KIAA1217: variants seen among roughly 807,000 people sequenced by gnomAD.
The protein encoded by KIAA1217 is sickle tail protein homolog.
In KIAA1217, 88 loss-of-function variants were observed where a neutral mutation model predicts 163.9. The observed-to-expected ratio is 0.54, with a 90% CI of 0.45 to 0.64. The LOEUF (loss-of-function observed/expected upper bound fraction) is 0.64. KIAA1217 is among the 30% of genes least tolerant of loss of function. KIAA1217 has a pLI of 0.00. For synonymous variants in KIAA1217, 903 were observed against 923.1 expected (o/e 0.98, Z 0.39); for missense variants, 2,372 against 2,475.0 (o/e 0.96, Z 0.88).
intron 2 of KIAA1217, among the ~76,000 whole-genome samples, chr10:24,302,718 A>C (rs1227248516): frequency 1.3e-5 from 2 of 152,176 alleles, no homozygotes; most frequent in Admixed American, 1.3e-4. Context: ...GGAAATCGAC[A>C]CAGGAGACCT....
At chr10:23,945,470 A>G (rs1843985086) in intron 1 of KIAA1217, among the ~76,000 whole-genome samples, 1 of 152,220 alleles carries the variant, frequency 6.6e-6, no homozygotes, top group African/African-American at 2.4e-5. Context: ...GGAAGGAGGT[A>G]GGCATTGATT....
At chr10:24,107,078 G>C (rs552107244) in intron 2 of KIAA1217, among the ~76,000 whole-genome samples, 3 of 152,228 alleles carry the variant, frequency 2.0e-5, no homozygotes, top group African/African-American at 7.2e-5. Flanking sequence ...TTGTTCCCTT[G>C]ATTTTGTCCA....
chr10:24,496,279 C>T lies in KIAA1217; in HGVS notation c.1834+1083C>T, dbSNP rs1426044248. 5.3e-5 allele frequency among the ~76,000 whole-genome samples: 8 copies of T among 152,356 alleles called. No homozygotes were observed. The East Asian group carries it at 1.5e-3, about 29-fold the overall frequency. On this transcript the variant is annotated intron_variant, in intron 8 of 20. Coordinates refer to ENST00000376454, the MANE Select transcript of KIAA1217 (RefSeq NM_019590.5). The stretch of plus-strand genomic sequence containing the variant: ...GATCCTGACGGGATTTGTTGTTTTG[C>T]TTAGAAATCAATCAGTGGCCTTGGC...
At chr10:24,388,853 A>C (rs557571990) in intron 3 of KIAA1217, among the ~76,000 whole-genome samples, 1 of 141,180 alleles carries the variant, frequency 7.1e-6, no homozygotes, top group Admixed American at 6.9e-5. Flanking sequence ...ATCCACAATG[A>C]GATACCATCT....
rs540926557 is a variant in KIAA1217 at position 24,155,608 on chromosome 10, G to A, written c.-170-64018G>A. Among the ~76,000 whole-genome samples, 9 of 152,194 alleles carry A rather than the reference G, an allele frequency of 5.9e-5. No homozygotes were observed. In the South Asian group the frequency reaches 1.9e-3, roughly 32 times the overall value. On this transcript the variant is annotated intron_variant, in intron 2 of 18. Coordinates refer to the KIAA1217 transcript ENST00000376462. ...GGCCGAGGTGGGCGGATCACCTGAG[G>A]TCAGGAGTTCAAGACCAGCCTGGCC... is the stretch of plus-strand genomic sequence containing the variant.
chr10:24,402,360 T>G (rs1034319002), intron 3 of KIAA1217, among the ~76,000 whole-genome samples: 1 of 151,584 alleles, frequency 6.6e-6, no homozygotes, highest in Non-Finnish European at 1.5e-5. Context: ...ACACAAAAAA[T>G]TAGCCGGGCG....
chr10:24,472,188 A>T (rs2063594365), intron 5 of KIAA1217, among the ~76,000 whole-genome samples: 1 of 152,154 alleles, frequency 6.6e-6, no homozygotes, highest in African/African-American at 2.4e-5. Context: ...GAGAAGGAGG[A>T]AGAGAAGGGC....
intron 1 of KIAA1217, among the ~76,000 whole-genome samples, chr10:23,776,678 AC>A (rs1376509022): frequency 1.4e-5 from 2 of 138,646 alleles, no homozygotes; most frequent in Non-Finnish European, 3.1e-5. Flanking sequence ...GACTGTGGGT[AC>A]TTTTTTTTTT....
chr10:24,383,362 G>A (rs1367597544), intron 3 of KIAA1217, among the ~76,000 whole-genome samples: 1 of 152,212 alleles, frequency 6.6e-6, no homozygotes, highest in Non-Finnish European at 1.5e-5. Flanking sequence ...CTTAAAGGAA[G>A]GAATTTCCTC....
chr10:23,770,052 TTC>T (rs1196137385), intron 1 of KIAA1217, among the ~76,000 whole-genome samples: 7 of 152,242 alleles, frequency 4.6e-5, no homozygotes, highest in Non-Finnish European at 1.5e-5. Flanking sequence ...ATGTTTCACT[TTC>T]TATCCTTCTC....
intron 5 of KIAA1217, among the ~76,000 whole-genome samples, chr10:24,445,202 A>G (rs2060821107): frequency 1.3e-5 from 2 of 152,056 alleles, no homozygotes; most frequent in African/African-American, 2.4e-5. Flanking sequence ...GGTCTTTCCC[A>G]AGCTCACACA....
At chr10:24,289,320 G>A (rs1222800789) in intron 2 of KIAA1217, among the ~76,000 whole-genome samples, 2 of 152,140 alleles carry the variant, frequency 1.3e-5, no homozygotes, top group African/African-American at 4.8e-5. Context: ...ACTGTGAAAG[G>A]AAGGAGTTAA....
At chr10:23,970,900 A>T (rs1257247056) in intron 1 of KIAA1217, among the ~76,000 whole-genome samples, 1 of 152,156 alleles carries the variant, frequency 6.6e-6, no homozygotes, top group African/African-American at 2.4e-5. Flanking sequence ...AATTCAACTG[A>T]GGGGGGGATA....
intron 1 of KIAA1217, among the ~76,000 whole-genome samples, chr10:23,777,550 C>G (rs1413374727): frequency 6.6e-6 from 1 of 152,180 alleles, no homozygotes; most frequent in Non-Finnish European, 1.5e-5. Context: ...AAGGTTAGAG[C>G]TGCTTAGGTT....
At position 24,541,593 on chromosome 10, in the gene KIAA1217, A is replaced by G. The variant is rs146423131; in HGVS notation, c.3535-1100A>G. Among the ~76,000 whole-genome samples the G allele has an allele frequency of 5.5e-3, 834 of 152,230 alleles. 4 individuals carry two copies. The highest frequency in any genetic ancestry group is 0.017 in the Middle Eastern group (5 of 294). On this transcript the variant is annotated intron_variant, in intron 17 of 20. Transcript: ENST00000376454. ...ATTGTGCTCCATCCTGCTATAATCA[A>G]TCACCTCAGCATGAAGAAAGGGCAG...
intron 3 of KIAA1217, among the ~76,000 whole-genome samples, chr10:24,421,871 T>C (rs2058758478): frequency 6.6e-6 from 1 of 152,222 alleles, no homozygotes. Flanking sequence ...GCTTTACTAA[T>C]ATTTTATTTA....
intron 1 of KIAA1217, among the ~76,000 whole-genome samples, chr10:23,846,746 C>T (rs1839050480): frequency 6.6e-6 from 1 of 152,156 alleles, no homozygotes; most frequent in South Asian, 2.1e-4. Context: ...TGCCTAATTG[C>T]CCTGGCCAGA....
intron 6 of KIAA1217, among the ~76,000 whole-genome samples, chr10:24,480,281 T>C (rs2064512292): frequency 6.6e-6 from 1 of 152,204 alleles, no homozygotes; most frequent in South Asian, 2.1e-4. Flanking sequence ...GCAATGTAAA[T>C]TGTGACATTC....
intron 2 of KIAA1217, among the ~76,000 whole-genome samples, chr10:24,372,202 G>C (rs1226685841): frequency 1.3e-5 from 2 of 152,154 alleles, no homozygotes; most frequent in African/African-American, 4.8e-5. Context: ...GGCTTTGATC[G>C]GGTGCTGCAG....
Sources: allele counts gnomAD v4.1 joint callset (sites outside exome capture counted in the v4.1 genomes callset), GRCh38; gene constraint gnomAD v4.1.1; transcripts MANE v1.5; gene names NCBI Gene and HGNC (gene_info 2026-07-23, HGNC 2026-07-21).